The following UNC5B variants were observed in gnomAD, a reference collection of about 807,000 sequenced individuals.
UNC5B encodes unc-5 netrin receptor B, also known as netrin receptor UNC5B.
Under a neutral mutation model 103.7 loss-of-function variants are expected in UNC5B, and 56 were observed. The ratio of observed to expected loss-of-function variants is 0.54; its 90% CI spans 0.44 to 0.67. The LOEUF is 0.67. Among genes scored for constraint, UNC5B ranks in the 30% least tolerant of loss-of-function variants. The pLI is 0.00. For missense variants in UNC5B, 1,194 were observed against 1,284.5 expected (o/e 0.93, Z 1.08); for synonymous variants, 577 against 542.0 (o/e 1.06, Z -0.90).
chr10:71,241,999 A>C (rs577811149), intron 1 of UNC5B, among the ~76,000 whole-genome samples: 1 of 152,260 alleles, frequency 6.6e-6, no homozygotes, highest in African/African-American at 2.4e-5. Flanking sequence ...TGCCAGTGAG[A>C]TGCCCACACA....
chr10:71,218,001 C>G (rs1475454182), intron 1 of UNC5B: 1 of 152,364 alleles, frequency 6.6e-6, no homozygotes, highest in East Asian at 1.9e-4. Flanking sequence ...TACCCCTTCG[C>G]GGCGCTGCAC....
chr10:71,215,870 C>A (rs1449422709), intron 1 of UNC5B, among the ~76,000 whole-genome samples: 1 of 151,932 alleles, frequency 6.6e-6, no homozygotes, highest in Non-Finnish European at 1.5e-5. Flanking sequence ...TGTGCACACA[C>A]AATGATAGCC....
rs992434350 is a variant in UNC5B at position 71,280,065 on chromosome 10, C to T, written c.304+20C>T. 3 of 1,611,950 alleles carry T rather than the reference C, an allele frequency of 1.9e-6. No individual in the cohort carries two copies. The highest frequency in any genetic ancestry group is 2.7e-5 in the African/African-American group (2 of 74,936). The stretch of plus-strand genomic sequence containing the variant: ...CCACCGGTGAGCCCGCCCCACTTGC[C>T]TGGGCACCCCAGGACACCCCAGGCC... On this transcript the variant is annotated intron_variant, in intron 2 of 16. Transcript: ENST00000335350.
rs1423369852 is a variant in UNC5B, at chr10:71,299,438, T to C, written c.*161T>C. The stretch of plus-strand genomic sequence containing the variant: ...CCCAACCCCCAGACCATGACCAGCC[T>C]TAGAAAATCCATGTACTCTGTTGTT... On this transcript the variant is annotated 3_prime_UTR_variant, in exon 17 of 17. Coordinates refer to ENST00000335350, the MANE Select transcript of UNC5B (RefSeq NM_170744.5). 3 of 831,184 alleles carry C rather than the reference T, an allele frequency of 3.6e-6. No individual in the cohort carries two copies. Among genetic ancestry groups the C allele is most frequent in the Non-Finnish European group, 5.5e-6 (3 of 541,658 alleles). 51.5% of individuals were successfully genotyped at this position (831,184 alleles called of 1,614,324 possible). A position where few individuals can be genotyped will look rare whatever the true frequency, so the allele number is the denominator to read the frequency against.
chr10:71,297,927 G>A lies in UNC5B; in HGVS notation c.2509G>A (p.Asp837Asn). 1 of 1,613,140 alleles carries A rather than the reference G, an allele frequency of 6.2e-7. No individual in the cohort carries two copies. The highest frequency in any genetic ancestry group is 8.5e-7 in the Non-Finnish European group (1 of 1,179,612). Residue 837 changes from aspartate (D) to asparagine (N), a missense_variant, in exon 16 of 17, where the codon GAC becomes AAC. Physicochemically the swap from Asp to Asn is conservative, Grantham distance 23 (BLOSUM62 1). Coordinates refer to ENST00000335350, the MANE Select transcript of UNC5B (RefSeq NM_170744.5). The part of the protein sequence containing the change: ...TLAETPAGSL[D>N]TLCSAPGSTV... Reference sequence around the variant, plus strand: ...CTTGCAGACACCTGCTGGCTCCCTGGACACTCTCTGCTCTGCCCCTGGCAG... The same window carrying A: ...CTTGCAGACACCTGCTGGCTCCCTGAACACTCTCTGCTCTGCCCCTGGCAG...
chr10:71,296,505 C>G (rs1195518961), intron 14 of UNC5B, 73 bp from the exon 15 acceptor site: 3 of 1,552,312 alleles, frequency 1.9e-6, no homozygotes, highest in Admixed American at 1.8e-5. Context: ...CCCAACCCTC[C>G]CTGAGCCTCC....
chr10:71,246,570 G>A (rs7905089), intron 1 of UNC5B, among the ~76,000 whole-genome samples: 8,684 of 152,180 alleles, frequency 0.057, 308 homozygotes, highest in East Asian at 0.19. Flanking sequence ...TGACTGGGTT[G>A]AGGGAAGGAA....
chr10:71,264,348 T>C (rs1844477604), intron 1 of UNC5B, among the ~76,000 whole-genome samples: 2 of 152,232 alleles, frequency 1.3e-5, no homozygotes, highest in Admixed American at 6.5e-5. Context: ...TCTAAGCTCA[T>C]TGCGTGTATT....
chr10:71,285,210 G>T, intron 3 of UNC5B, 116 bp from the exon 4 acceptor site: 1 of 1,089,488 alleles, frequency 9.2e-7, no homozygotes, highest in Non-Finnish European at 1.4e-6. Flanking sequence ...CAAAGGCCAG[G>T]TGGGCCCATC....
chr10:71,220,145 C>G (rs1388561190), intron 1 of UNC5B, among the ~76,000 whole-genome samples: 1 of 152,210 alleles, frequency 6.6e-6, no homozygotes, highest in Non-Finnish European at 1.5e-5. Flanking sequence ...ACCCTCTCAG[C>G]TGCTTCTGAC....
intron 1 of UNC5B, among the ~76,000 whole-genome samples, chr10:71,221,410 A>G (rs1843450347): frequency 6.6e-6 from 1 of 152,178 alleles, no homozygotes; most frequent in South Asian, 2.1e-4. Context: ...CCCCCGTGTC[A>G]TGCATAGCTT....
chr10:71,254,512 C>G (rs1467098159), intron 1 of UNC5B, among the ~76,000 whole-genome samples: 1 of 152,214 alleles, frequency 6.6e-6, no homozygotes, highest in Non-Finnish European at 1.5e-5. Flanking sequence ...CTCACGAGTC[C>G]TGGGAAGTCG....
chr10:71,271,364 T>C (rs1235619398), intron 1 of UNC5B, among the ~76,000 whole-genome samples: 1 of 152,224 alleles, frequency 6.6e-6, no homozygotes, highest in Non-Finnish European at 1.5e-5. Flanking sequence ...ATGCTTATTA[T>C]CTGCAGGAGC....
rs1014627289 is a variant in UNC5B, at chr10:71,299,786, A to G, written c.*509A>G. 1 of 152,630 alleles carries G rather than the reference A, an allele frequency of 6.6e-6. No individual in the cohort carries two copies. Among genetic ancestry groups the G allele is most frequent in the African/African-American group, 2.4e-5 (1 of 41,474 alleles). 9.5% of individuals were successfully genotyped at this position (152,630 alleles called of 1,614,324 possible). A position where few individuals can be genotyped will look rare whatever the true frequency, so the allele number is the denominator to read the frequency against. On this transcript the variant is annotated 3_prime_UTR_variant, in exon 17 of 17. Transcript: ENST00000335350. ...CTGTCCAAAAGCAAAAAGGCAAAGG[A>G]AAGAAAGAAAGCTTCAGACCGCTAG...
At chr10:71,238,865 G>A (rs538022484) in intron 1 of UNC5B, among the ~76,000 whole-genome samples, 1 of 152,044 alleles carries the variant, frequency 6.6e-6, no homozygotes, top group Non-Finnish European at 1.5e-5. Context: ...CTGCAGCCTC[G>A]ACCTCCTGGG....
At chr10:71,269,809 AT>A (rs1259935111) in intron 1 of UNC5B, among the ~76,000 whole-genome samples, 2 of 152,098 alleles carry the variant, frequency 1.3e-5, no homozygotes, top group Non-Finnish European at 2.9e-5. Context: ...AAAAAAAGGC[AT>A]TGGGGAGATA....
chr10:71,255,322 G>C (rs556541120), intron 1 of UNC5B, among the ~76,000 whole-genome samples: 3 of 152,238 alleles, frequency 2.0e-5, no homozygotes, highest in South Asian at 4.2e-4. Flanking sequence ...ATTCATACAC[G>C]CTGCTAGATT....
At chr10:71,291,398 C>T (rs1346802585) in intron 9 of UNC5B, 34 bp from the exon 10 acceptor site, 1 of 1,553,202 alleles carries the variant, frequency 6.4e-7, no homozygotes, top group African/African-American at 1.4e-5. Context: ...AGCTGAGGCA[C>T]AGCTGGGTCT....
intron 1 of UNC5B, among the ~76,000 whole-genome samples, chr10:71,221,330 C>A (rs191595086): frequency 3.9e-5 from 6 of 152,350 alleles, no homozygotes; most frequent in East Asian, 1.9e-4. Context: ...GTGGTCCCCC[C>A]CCTTGTCACC....
Sources: gnomAD v4.1 joint callset for allele counts (sites outside exome capture counted in the v4.1 genomes callset) on GRCh38, gnomAD v4.1.1 for gene constraint, MANE v1.5 for transcripts, NCBI Gene and HGNC (gene_info 2026-07-23, HGNC 2026-07-21) for gene names.